Variants in NCKAP5 observed in about 807,000 individuals in gnomAD.
NCKAP5 encodes the protein nck-associated protein 5.
NCKAP5 carries 92 observed loss-of-function variants against 167.0 expected under a neutral mutation model. The ratio of observed to expected loss-of-function variants is 0.55; its 90% CI spans 0.47 to 0.66. The LOEUF is 0.66. Among genes scored for constraint, NCKAP5 ranks in the 30% least tolerant of loss-of-function variants. NCKAP5 has a pLI of 0.00. For missense variants in NCKAP5, 2,378 were observed against 2,315.0 expected (o/e 1.03, Z -0.56); for synonymous variants, 891 against 877.4 (o/e 1.02, Z -0.27).
Position 132,963,854 on chromosome 2 carries a change from C to T in NCKAP5, c.445G>A (p.Glu149Lys). The T allele has an allele frequency of 1.2e-6, 2 of 1,613,700 alleles. No homozygotes were observed. Among genetic ancestry groups the T allele is most frequent in the Middle Eastern group, 1.7e-4 (1 of 6,060 alleles). The change falls in exon 8 of 20, where the codon GAA becomes AAA. Residue 149 changes from glutamate to lysine, a missense_variant. Physicochemically the swap from Glu to Lys is moderately conservative, Grantham distance 56. Coordinates refer to ENST00000409261, the MANE Select transcript of NCKAP5 (RefSeq NM_207363.3). ...IMVYQEKLSE[E>K]ERKHKEALED... ...AAAGCTTCCTTATGTTTTCTCTCTT[C>T]CTCTGACAGCTTTTCCTGAAGCAAG...
intron 4 of NCKAP5, among the ~76,000 whole-genome samples, chr2:133,287,375 C>G (rs1679225907): frequency 6.6e-6 from 1 of 152,088 alleles, no homozygotes; most frequent in African/African-American, 2.4e-5. Context: ...AGCAGAGAAA[C>G]AAGAAAATCA....
At chr2:133,035,652 T>C (rs2079017627) in intron 6 of NCKAP5, among the ~76,000 whole-genome samples, 1 of 151,652 alleles carries the variant, frequency 6.6e-6, no homozygotes, top group Non-Finnish European at 1.5e-5. Flanking sequence ...ATATGACCCA[T>C]GGGATCACTG....
intron 8 of NCKAP5, among the ~76,000 whole-genome samples, chr2:132,915,304 T>C (rs77245711): frequency 0.027 from 4,180 of 152,156 alleles, 174 homozygotes; most frequent in African/African-American, 0.093. Flanking sequence ...GTGTGCTGCA[T>C]GGCCTGACCT....
intron 3 of NCKAP5, among the ~76,000 whole-genome samples, chr2:133,412,983 T>A (rs1688868009): frequency 6.6e-6 from 1 of 152,212 alleles, no homozygotes; most frequent in African/African-American, 2.4e-5. Flanking sequence ...TGAGAAAAAA[T>A]TTGAAGAAAG....
chr2:132,737,831 A>G (rs1292312616), intron 16 of NCKAP5, among the ~76,000 whole-genome samples: 2 of 152,246 alleles, frequency 1.3e-5, no homozygotes, highest in African/African-American at 2.4e-5. Flanking sequence ...TCGTGCAGGC[A>G]TAACTGGATT....
chr2:133,435,270 C>T (rs1037547887), intron 3 of NCKAP5, among the ~76,000 whole-genome samples: 6 of 152,186 alleles, frequency 3.9e-5, no homozygotes, highest in Non-Finnish European at 5.9e-5. Flanking sequence ...ACATCTGAAA[C>T]AACACAATTT....
intron 19 of NCKAP5, chr2:132,714,807 C>T (rs1338065017): frequency 7.4e-6 from 3 of 404,838 alleles, no homozygotes; most frequent in Non-Finnish European, 1.4e-5. Context: ...AGTGAGAATC[C>T]ATCTCAAAAA....
intron 19 of NCKAP5, among the ~76,000 whole-genome samples, chr2:132,725,174 A>G (rs1558973327): frequency 6.6e-6 from 1 of 152,220 alleles, no homozygotes; most frequent in Non-Finnish European, 1.5e-5. Context: ...AAAGACAAAG[A>G]TGGTGAGGGA....
At chr2:133,312,391 AT>A (rs1681304814) in intron 3 of NCKAP5, among the ~76,000 whole-genome samples, 1 of 152,204 alleles carries the variant, frequency 6.6e-6, no homozygotes, top group Non-Finnish European at 1.5e-5. Flanking sequence ...TTTAAAAAAA[AT>A]CCCCCATCTC....
the NCKAP5 span, among the ~76,000 whole-genome samples, chr2:133,575,398 A>G: frequency 1.3e-5 from 2 of 152,234 alleles, no homozygotes; most frequent in African/African-American, 2.4e-5. Context: ...TAACCACTCA[A>G]TTTATCAGTT....
chr2:132,902,309 T>C (rs1693687937), intron 8 of NCKAP5, among the ~76,000 whole-genome samples: 1 of 152,138 alleles, frequency 6.6e-6, no homozygotes. Flanking sequence ...GGAAAGACGG[T>C]TGATAGCTGA....
At chr2:133,628,868 C>A in the NCKAP5 span, among the ~76,000 whole-genome samples, 1 of 152,064 alleles carries the variant, frequency 6.6e-6, no homozygotes, top group African/African-American at 2.4e-5. Context: ...ACAAACCTGA[C>A]AAAAACAAGC....
chr2:133,327,763 GA>G (rs1330015737), intron 3 of NCKAP5, among the ~76,000 whole-genome samples: 2 of 151,974 alleles, frequency 1.3e-5, no homozygotes, highest in Non-Finnish European at 2.9e-5. Flanking sequence ...TTTTTTATAA[GA>G]CAGTAGCGAC....
chr2:133,056,879 T>C (rs1453601922), intron 6 of NCKAP5, among the ~76,000 whole-genome samples: 1 of 152,106 alleles, frequency 6.6e-6, no homozygotes, highest in Non-Finnish European at 1.5e-5. Context: ...ATCATTTTAT[T>C]GTGCTTTGCA....
At position 132,782,824 on chromosome 2, in the gene NCKAP5, A is replaced by G. The variant is rs1683163717; in HGVS notation, c.3987T>C (p.Ala1329=). The change falls in exon 14 of 20, where the codon GCT becomes GCC. Residue 1329 remains alanine, a synonymous_variant. Coordinates refer to ENST00000409261, the MANE Select transcript of NCKAP5 (RefSeq NM_207363.3). Reference sequence around the variant, plus strand: ...CACTGGGGAGACTCTCCAACATGGGAGCAGAAGGGGCCTTGTTGGGAGAGC... The same window carrying G: ...CACTGGGGAGACTCTCCAACATGGGGGCAGAAGGGGCCTTGTTGGGAGAGC... ...TESSPNKAPS[A]PMLESLPSVG... is the part of the protein sequence containing the mutation. 6.2e-7 allele frequency: 1 copy of G among 1,613,526 alleles called. No homozygotes were observed. Among genetic ancestry groups the G allele is most frequent in the Non-Finnish European group, 8.5e-7 (1 of 1,179,826 alleles).
chr2:133,406,233 G>A (rs1050523901), intron 3 of NCKAP5, among the ~76,000 whole-genome samples: 13 of 152,294 alleles, frequency 8.5e-5, no homozygotes, highest in Admixed American at 5.2e-4. Context: ...TTAACTACCC[G>A]AATAAAGACA....
At chr2:132,789,860 T>G (rs57684327) in intron 13 of NCKAP5, among the ~76,000 whole-genome samples, 163 bp downstream of exon 13, 2 of 152,314 alleles carry the variant, frequency 1.3e-5, no homozygotes, top group African/African-American at 4.8e-5. Context: ...TAGTGTTTTA[T>G]GAGGCTATAG....
chr2:132,892,920 A>G (rs1377128421), intron 8 of NCKAP5, among the ~76,000 whole-genome samples: 1 of 151,184 alleles, frequency 6.6e-6, no homozygotes, highest in Non-Finnish European at 1.5e-5. Context: ...ACCAAGAAGC[A>G]GGTAATTCAG....
At chr2:133,085,443 C>A (rs1354316031) in intron 6 of NCKAP5, among the ~76,000 whole-genome samples, 1 of 152,074 alleles carries the variant, frequency 6.6e-6, no homozygotes, top group Admixed American at 6.6e-5. Context: ...TAACCACACA[C>A]AACATATATA....
Sources: gnomAD v4.1 joint callset for allele counts (sites outside exome capture counted in the v4.1 genomes callset) on GRCh38, gnomAD v4.1.1 for gene constraint, MANE v1.5 for transcripts, NCBI Gene and HGNC (gene_info 2026-07-23, HGNC 2026-07-21) for gene names.